The following PAX5 variants were observed in gnomAD, a reference collection of about 807,000 sequenced individuals.
The protein encoded by PAX5 is paired box 5.
In PAX5, 9 loss-of-function variants were observed where a neutral mutation model predicts 43.7. The ratio of observed to expected loss-of-function variants is 0.21; its 90% CI spans 0.12 to 0.36. The LOEUF (loss-of-function observed/expected upper bound fraction) is 0.36. Among genes scored for constraint, PAX5 ranks in the 10% least tolerant of loss-of-function variants. The pLI is 1.00. For synonymous variants in PAX5, 228 were observed against 214.3 expected, an observed-to-expected ratio of 1.06 and a Z score of -0.56; for missense variants, 383 against 532.7, an observed-to-expected ratio of 0.72 and a Z score of 2.77.
chr9:37,017,679 C>A (rs1204315993), intron 2 of PAX5, among the ~76,000 whole-genome samples: 45 of 152,126 alleles, frequency 3.0e-4, no homozygotes, highest in Admixed American at 2.6e-3. Context: ...AGCTGAAGGT[C>A]CCCCCCAGCC....
At chr9:36,881,016 T>C (rs1826366043) in intron 8 of PAX5, among the ~76,000 whole-genome samples, 1 of 152,228 alleles carries the variant, frequency 6.6e-6, no homozygotes, top group African/African-American at 2.4e-5. Context: ...ATGGTGACTA[T>C]AGTCAGTAAT....
At chr9:37,002,008 G>T (rs1186101634) in intron 5 of PAX5, among the ~76,000 whole-genome samples, 1 of 151,980 alleles carries the variant, frequency 6.6e-6, no homozygotes, top group African/African-American at 2.4e-5. Context: ...GGCCAGGCCC[G>T]TGGAGGGGCT....
intron 4 of PAX5, among the ~76,000 whole-genome samples, chr9:37,003,189 T>G: frequency 8.1e-6 from 1 of 123,708 alleles, no homozygotes; most frequent in Non-Finnish European, 1.6e-5. Context: ...AAACCTGAAC[T>G]ACTCGTTAGG....
intron 7 of PAX5, among the ~76,000 whole-genome samples, chr9:36,896,515 A>T (rs913383686): frequency 6.6e-6 from 1 of 152,122 alleles, no homozygotes; most frequent in Non-Finnish European, 1.5e-5. Flanking sequence ...TGCAGAGAAC[A>T]TGCATTAAAT....
chr9:36,951,877 C>A (rs529122977), intron 6 of PAX5, among the ~76,000 whole-genome samples: 1 of 152,024 alleles, frequency 6.6e-6, no homozygotes, highest in Non-Finnish European at 1.5e-5. Context: ...AATTGTTATC[C>A]TTAATTTGCT....
intron 7 of PAX5, among the ~76,000 whole-genome samples, chr9:36,910,731 C>T (rs527486628): frequency 4.3e-4 from 65 of 152,262 alleles, no homozygotes; most frequent in Admixed American, 7.8e-4. Flanking sequence ...AGAGACTTCG[C>T]CTTTGAGGTA....
At chr9:36,859,623 G>A (rs548532996) in intron 8 of PAX5, among the ~76,000 whole-genome samples, 7 of 152,218 alleles carry the variant, frequency 4.6e-5, no homozygotes, top group East Asian at 3.9e-4. Context: ...CACTGTGTCC[G>A]CAAATTCCTG....
At chr9:36,976,384 G>A (rs1835428588) in intron 5 of PAX5, among the ~76,000 whole-genome samples, 1 of 152,146 alleles carries the variant, frequency 6.6e-6, no homozygotes, top group Non-Finnish European at 1.5e-5. Context: ...GGGGGTCCTG[G>A]AGAAGGGACG....
intron 8 of PAX5, among the ~76,000 whole-genome samples, chr9:36,873,875 T>C (rs1244107948): frequency 6.6e-6 from 1 of 152,216 alleles, no homozygotes; most frequent in African/African-American, 2.4e-5. Flanking sequence ...CGGCCATGCC[T>C]ATGGAACTGG....
At chr9:36,850,001 G>A (rs146969658) in intron 8 of PAX5, among the ~76,000 whole-genome samples, 254 of 152,344 alleles carry the variant, frequency 1.7e-3, no homozygotes, top group Admixed American at 2.9e-3. Flanking sequence ...ACAGTCCAGA[G>A]AAGGCCTGGG....
intron 7 of PAX5, among the ~76,000 whole-genome samples, chr9:36,914,167 C>G (rs1829544071): frequency 6.6e-6 from 1 of 152,234 alleles, no homozygotes; most frequent in African/African-American, 2.4e-5. Flanking sequence ...ACTCTCCTGT[C>G]CTGCCAAACA....
intron 8 of PAX5, among the ~76,000 whole-genome samples, chr9:36,881,076 C>A (rs577271614): frequency 1.3e-5 from 2 of 152,298 alleles, no homozygotes; most frequent in African/African-American, 4.8e-5. Context: ...TAATGGTTCT[C>A]ACTACAAAGA....
At chr9:36,900,084 G>C (rs1828235433) in intron 7 of PAX5, among the ~76,000 whole-genome samples, 1 of 152,120 alleles carries the variant, frequency 6.6e-6, no homozygotes, top group African/African-American at 2.4e-5. Context: ...AATATTTTTG[G>C]CTGCCTGACA....
intron 7 of PAX5, among the ~76,000 whole-genome samples, chr9:36,898,439 T>C (rs1828063893): frequency 6.6e-6 from 1 of 152,028 alleles, no homozygotes; most frequent in Admixed American, 6.6e-5. Flanking sequence ...GTAAAGGGCC[T>C]CTCTTCTTCC....
chr9:36,957,736 A>G (rs1833608708), intron 6 of PAX5, among the ~76,000 whole-genome samples: 1 of 152,178 alleles, frequency 6.6e-6, no homozygotes, highest in African/African-American at 2.4e-5. Context: ...CCTGAACAAA[A>G]GCGCATCCAG....
At chr9:36,951,143 A>G (rs1832976236) in intron 6 of PAX5, among the ~76,000 whole-genome samples, 1 of 152,200 alleles carries the variant, frequency 6.6e-6, no homozygotes. Context: ...AGTAGGGGGC[A>G]GGATAAATGG....
At chr9:36,966,845 A>G in intron 5 of PAX5, 121 bp from the exon 6 acceptor site, 1 of 840,812 alleles carries the variant, frequency 1.2e-6, no homozygotes, top group South Asian at 1.7e-5. Context: ...ACCAGAGAAT[A>G]CACCAGCAGG....
intron 7 of PAX5, among the ~76,000 whole-genome samples, chr9:36,884,774 A>G (rs1826771703): frequency 6.6e-6 from 1 of 152,208 alleles, no homozygotes; most frequent in Admixed American, 6.5e-5. Context: ...CCAATGGAAA[A>G]TTTCGGTGAA....
rs562303869 is a variant in PAX5 at position 37,006,994 on chromosome 9, G to A, written c.411-457C>T. On this transcript the variant is annotated intron_variant, in intron 3 of 9. Transcript: ENST00000358127. ...CTCTCTGTCCTCTGGCAGCGCTCACGTGCTGGTTTCTCTGCCCTAGAGAAC... is the reference window on the plus strand; with the variant it reads ...CTCTCTGTCCTCTGGCAGCGCTCACATGCTGGTTTCTCTGCCCTAGAGAAC... Among the ~76,000 whole-genome samples, 40 of 152,228 alleles carry A rather than the reference G, an allele frequency of 2.6e-4. 1 individual carries two copies. The South Asian group carries it at 7.9e-3, about 30-fold the overall frequency.
Sources: allele counts gnomAD v4.1 joint callset (sites outside exome capture counted in the v4.1 genomes callset), GRCh38; gene constraint gnomAD v4.1.1; transcripts MANE v1.5; gene names NCBI Gene and HGNC (gene_info 2026-07-23, HGNC 2026-07-21).